GPD2: variants seen among roughly 807,000 people sequenced by gnomAD.
GPD2 encodes glycerol-3-phosphate dehydrogenase 2.
A neutral mutation model predicts 82.4 loss-of-function variants in GPD2; 54 were observed. The observed-to-expected ratio is 0.66, with a 90% CI of 0.53 to 0.82. The LOEUF is 0.82. Among genes scored for constraint, GPD2 ranks in the 40% least tolerant of loss-of-function variants. The pLI is 0.00. For missense variants in GPD2, 748 were observed against 896.2 expected, an observed-to-expected ratio of 0.83 and a Z score of 2.11; for synonymous variants, 288 against 306.1, an observed-to-expected ratio of 0.94 and a Z score of 0.62.
At chr2:156,405,782 G>C in the GPD2 span, among the ~76,000 whole-genome samples, 164 of 152,238 alleles carry the variant, frequency 1.1e-3, no homozygotes, top group Admixed American at 3.3e-3. Context: ...CATTGAAGCT[G>C]GTAGAGAGAA....
intron 6 of GPD2, among the ~76,000 whole-genome samples, chr2:156,548,988 A>C (rs1686652760): frequency 6.6e-6 from 1 of 152,070 alleles, no homozygotes; most frequent in African/African-American, 2.4e-5. Flanking sequence ...TTAACAATAC[A>C]GGTAGGAATT....
At chr2:156,562,566 G>GTTT in intron 9 of GPD2, among the ~76,000 whole-genome samples, 1 of 106,658 alleles carries the variant, frequency 9.4e-6, no homozygotes. Flanking sequence ...TTTTGAAAGT[G>GTTT]GCAAACATGA....
chr2:156,509,765 C>CTTCTTTTTT (rs778681179), intron 3 of GPD2, among the ~76,000 whole-genome samples: 1 of 117,382 alleles, frequency 8.5e-6, no homozygotes, highest in Non-Finnish European at 1.7e-5. Context: ...ATATGTTCTT[C>CTTCTTTTTT]TTTTTTTTTT....
At chr2:156,403,278 A>G in the GPD2 span, among the ~76,000 whole-genome samples, 4 of 152,178 alleles carry the variant, frequency 2.6e-5, no homozygotes, top group African/African-American at 7.2e-5. Flanking sequence ...TAAGCCAATT[A>G]TCTCATTTTT....
At chr2:156,444,576 G>A (rs1276059983) in intron 1 of GPD2, among the ~76,000 whole-genome samples, 1 of 152,076 alleles carries the variant, frequency 6.6e-6, no homozygotes. Context: ...AGCTAGGCGT[G>A]GTGGTGGGTG....
intron 13 of GPD2, among the ~76,000 whole-genome samples, chr2:156,578,017 C>T (rs368694640): frequency 2.0e-5 from 3 of 151,326 alleles, no homozygotes; most frequent in Non-Finnish European, 4.4e-5. Context: ...TATATGTGTG[C>T]GTGTGTGTGT....
rs1258213959 is a variant in GPD2 at position 156,578,978 on chromosome 2, C to T, written c.1857C>T (p.Ser619=). The T allele has an allele frequency of 9.3e-6, 15 of 1,604,830 alleles. No homozygotes were observed. The highest frequency in any genetic ancestry group is 1.3e-5 in the Non-Finnish European group (15 of 1,171,770). The change falls in exon 14 of 17, where the codon AGC becomes AGT. Residue 619 remains serine (S), a synonymous_variant. Transcript: ENST00000438166. ...AGTTAACAGATCGCTCTGAAATTAG[C>T]CTACTGCCTTCAGACATTGACAGGT... ...SEQLTDRSEI[S]LLPSDIDRYK... is the part of the protein sequence containing the mutation.
intron 2 of GPD2, among the ~76,000 whole-genome samples, chr2:156,493,787 A>G (rs368568887): frequency 5.5e-4 from 83 of 152,272 alleles, no homozygotes; most frequent in African/African-American, 1.8e-3. Context: ...TCTCATGTCC[A>G]AGTCCTACCC....
Position 156,585,063 on chromosome 2 carries a change from C to T in GPD2, c.*2145C>T, listed in dbSNP as rs1226941315. The T allele has an allele frequency of 6.6e-6, 1 of 151,948 alleles. No individual in the cohort carries two copies. Among genetic ancestry groups the T allele is most frequent in the Non-Finnish European group, 1.5e-5 (1 of 67,930 alleles). The allele number at this position is 151,948 out of a possible 1,614,324, so 9.4% of individuals were successfully genotyped here. On this transcript the variant is annotated 3_prime_UTR_variant, in exon 17 of 17. Transcript: ENST00000438166. Reference sequence around the variant, plus strand: ...CTTCTTTTGAGCATATCTGCTTTTACTTTAAATCTGCTAATTTCTAAAATG... The same window carrying T: ...CTTCTTTTGAGCATATCTGCTTTTATTTTAAATCTGCTAATTTCTAAAATG...
chr2:156,577,257 G>C (rs1687855337), intron 13 of GPD2, among the ~76,000 whole-genome samples: 1 of 152,086 alleles, frequency 6.6e-6, no homozygotes, highest in Non-Finnish European at 1.5e-5. Flanking sequence ...TGAGGTGGGA[G>C]AATCAATCAC....
At chr2:156,537,878 A>G (rs1686140761) in intron 6 of GPD2, among the ~76,000 whole-genome samples, 1 of 152,248 alleles carries the variant, frequency 6.6e-6, no homozygotes, top group African/African-American at 2.4e-5. Context: ...GTCTTTTTCA[A>G]GTACAAAGGG....
At chr2:156,532,158 T>G (rs113874708) in intron 6 of GPD2, among the ~76,000 whole-genome samples, 5 of 152,202 alleles carry the variant, frequency 3.3e-5, no homozygotes, top group African/African-American at 1.2e-4. Context: ...CCAACACATC[T>G]GGCTAGTTTT....
chr2:156,518,524 G>A (rs1685280355), intron 6 of GPD2, among the ~76,000 whole-genome samples: 1 of 152,162 alleles, frequency 6.6e-6, no homozygotes. Context: ...TTTGTTAGGA[G>A]CAAGCTATTA....
At chr2:156,456,331 C>T (rs1008056064) in intron 1 of GPD2, among the ~76,000 whole-genome samples, 2 of 152,034 alleles carry the variant, frequency 1.3e-5, no homozygotes, top group South Asian at 2.1e-4. Flanking sequence ...GGGCCAGGCG[C>T]GGTGGCTCAC....
At chr2:156,419,913 C>T in the GPD2 span, among the ~76,000 whole-genome samples, 2 of 152,284 alleles carry the variant, frequency 1.3e-5, no homozygotes, top group South Asian at 4.1e-4. Flanking sequence ...TTTTTAAGGT[C>T]TAACAAACTT....
intron 6 of GPD2, among the ~76,000 whole-genome samples, chr2:156,532,395 A>G (rs1317377479): frequency 2.0e-5 from 3 of 152,180 alleles, no homozygotes; most frequent in Non-Finnish European, 4.4e-5. Flanking sequence ...GGTATAATCA[A>G]GGGCCTTCTG....
chr2:156,408,736 C>T, the GPD2 span, among the ~76,000 whole-genome samples: 1 of 140,318 alleles, frequency 7.1e-6, no homozygotes, highest in African/African-American at 2.6e-5. Flanking sequence ...AAAAAAAAGA[C>T]AAGAAAGGCA....
chr2:156,543,132 A>G (rs1211600468), intron 6 of GPD2, among the ~76,000 whole-genome samples: 2 of 152,150 alleles, frequency 1.3e-5, no homozygotes, highest in Admixed American at 1.3e-4. Context: ...TTATGTTTTC[A>G]CCAAAGATTT....
chr2:156,579,310 T>A lies in GPD2; in HGVS notation c.1959+146T>A, dbSNP rs544522202. 1.5e-3 allele frequency: 896 copies of A among 592,268 alleles called. 7 individuals carry two copies. The African/African-American group carries it at 0.015, about 10-fold the overall frequency. 36.7% of individuals were successfully genotyped at this position (592,268 alleles called of 1,614,324 possible). On this transcript the variant is annotated intron_variant, in intron 15 of 16. Transcript: ENST00000438166. ...AACATTAGTGAAAGCATATTTATAA[T>A]TTTTTTTCTTTTTTCTTTCTTTTTT...
Sources: allele counts gnomAD v4.1 joint callset (sites outside exome capture counted in the v4.1 genomes callset), GRCh38; gene constraint gnomAD v4.1.1; transcripts MANE v1.5; gene names NCBI Gene and HGNC (gene_info 2026-07-23, HGNC 2026-07-21).